Variants in TEX36 observed in about 807,000 individuals in gnomAD.
TEX36 encodes testis-expressed protein 36.
Under a neutral mutation model 13.6 loss-of-function variants are expected in TEX36, and 12 were observed. The ratio of observed to expected loss-of-function variants is 0.88; its 90% CI spans 0.56 to 1.43. The LOEUF (loss-of-function observed/expected upper bound fraction) is 1.43, where lower values mean the gene tolerates loss of function less well. Ranked by LOEUF, TEX36 falls within the 40% of genes most tolerant of loss-of-function variation. TEX36 has a pLI of 0.00. For synonymous variants in TEX36, 93 were observed against 83.0 expected (o/e 1.12, Z -0.65); for missense variants, 224 against 228.3 (o/e 0.98, Z 0.12).
chr10:125,639,711 T>A (rs995902846), intron 3 of TEX36, among the ~76,000 whole-genome samples: 4 of 152,234 alleles, frequency 2.6e-5, no homozygotes, highest in African/African-American at 9.6e-5. Flanking sequence ...ACCCAGACTA[T>A]CCTCGTTGAT....
intron 3 of TEX36, among the ~76,000 whole-genome samples, chr10:125,649,160 C>A (rs1846815923): frequency 6.6e-6 from 1 of 152,160 alleles, no homozygotes; most frequent in Non-Finnish European, 1.5e-5. Flanking sequence ...GAGAACGCCA[C>A]AAAGATACTC....
At chr10:125,652,557 C>T (rs1018274187), downstream of TEX36, among the ~76,000 whole-genome samples, 1 of 152,120 alleles carries the variant, frequency 6.6e-6, no homozygotes, top group South Asian at 2.1e-4. Flanking sequence ...AGGCAATACC[C>T]TTCAGGCCAT....
chr10:125,589,766 A>G (rs1048670752), intron 3 of TEX36, among the ~76,000 whole-genome samples: 11 of 152,210 alleles, frequency 7.2e-5, no homozygotes, highest in African/African-American at 2.7e-4. Context: ...ATGTATAGTC[A>G]TATGAAAAAT....
chr10:125,608,236 A>C (rs2133548867), intron 3 of TEX36, among the ~76,000 whole-genome samples: 1 of 151,372 alleles, frequency 6.6e-6, no homozygotes, highest in Non-Finnish European at 1.5e-5. Context: ...CTTGGGTCTT[A>C]GAGGGGAGTT....
At chr10:125,593,251 G>C (rs1166390138) in intron 3 of TEX36, among the ~76,000 whole-genome samples, 1 of 152,194 alleles carries the variant, frequency 6.6e-6, no homozygotes, top group Non-Finnish European at 1.5e-5. Context: ...AGGATTTTAG[G>C]AGCTGTGTGC....
At chr10:125,577,431 A>G (rs1845837427) in intron 3 of TEX36, among the ~76,000 whole-genome samples, 1 of 152,132 alleles carries the variant, frequency 6.6e-6, no homozygotes, top group South Asian at 2.1e-4. Context: ...CCTGGGAGGC[A>G]GAGGTTGCAT....
At chr10:125,590,404 C>T (rs903066903) in intron 3 of TEX36, among the ~76,000 whole-genome samples, 2 of 152,148 alleles carry the variant, frequency 1.3e-5, no homozygotes, top group Non-Finnish European at 2.9e-5. Context: ...ATGTGAACCA[C>T]CACGCCTGGC....
At chr10:125,597,249 T>C (rs1846091985) in intron 3 of TEX36, among the ~76,000 whole-genome samples, 3 of 152,198 alleles carry the variant, frequency 2.0e-5, no homozygotes, top group Admixed American at 6.5e-5. Flanking sequence ...GTGTCCACCA[T>C]GTGAAGTCCA....
intron 1 of TEX36, among the ~76,000 whole-genome samples, chr10:125,677,165 T>A (rs1337014024): frequency 6.6e-6 from 1 of 152,222 alleles, no homozygotes; most frequent in African/African-American, 2.4e-5. Flanking sequence ...AGTCTGACTA[T>A]AACATTTCAT....
downstream of TEX36, among the ~76,000 whole-genome samples, chr10:125,652,660 T>C (rs904411510): frequency 2.2e-4 from 33 of 152,232 alleles, no homozygotes; most frequent in African/African-American, 7.7e-4. Flanking sequence ...CTAAAGAGCT[T>C]CTGCACAACA....
intron 3 of TEX36, among the ~76,000 whole-genome samples, chr10:125,639,899 G>T (rs1038027486): frequency 6.6e-6 from 1 of 152,218 alleles, no homozygotes; most frequent in Non-Finnish European, 1.5e-5. Context: ...GAGAGGGATT[G>T]GATATGCCAC....
In TEX36 at chr10:125,662,183, C is replaced by A. The variant is rs184784989; in HGVS notation, c.52-206G>T. ...CCAGAGCCATCACTGCCGGTTGTTT[C>A]AAGTTACAGAGGCCACCCCTGCTGA... On this transcript the variant is annotated intron_variant, in intron 1 of 3. Transcript: ENST00000368821. Among the ~76,000 whole-genome samples, 251 of 152,326 alleles carry A rather than the reference C, an allele frequency of 1.6e-3. 2 individuals carry two copies. The highest frequency in any genetic ancestry group is 5.7e-3 in the African/African-American group (238 of 41,582).
rs114300233 is a variant in TEX36 at position 125,678,570 on chromosome 10, C to T, written c.51+4369G>A. On this transcript the variant is annotated intron_variant, in intron 1 of 3. Transcript: ENST00000368821. ...GAGGCAGGTGGGTGGGTTCTCAGGC[C>T]CCTAGGCAGCTGGTGTGGCATGGGT... 3.1e-3 allele frequency among the ~76,000 whole-genome samples: 469 copies of T among 151,968 alleles called. 6 individuals are homozygous for T. Among genetic ancestry groups the T allele is most frequent in the African/African-American group, 0.011 (445 of 41,456 alleles).
At chr10:125,606,433 A>C (rs1291799208) in intron 3 of TEX36, among the ~76,000 whole-genome samples, 1 of 152,238 alleles carries the variant, frequency 6.6e-6, no homozygotes, top group African/African-American at 2.4e-5. Flanking sequence ...ACTCCTAGAA[A>C]GTTGAATTTA....
chr10:125,598,820 G>T (rs1284430916), intron 3 of TEX36, among the ~76,000 whole-genome samples: 2 of 152,104 alleles, frequency 1.3e-5, no homozygotes, highest in Non-Finnish European at 2.9e-5. Flanking sequence ...ACCTTTTCTG[G>T]AAAAGAAATT....
intron 3 of TEX36, among the ~76,000 whole-genome samples, chr10:125,624,616 T>C (rs1184325725): frequency 1.3e-5 from 2 of 151,718 alleles, no homozygotes; most frequent in Non-Finnish European, 2.9e-5. Flanking sequence ...CTCATCTTCA[T>C]TGGAGGTGGG....
chr10:125,633,777 G>A (rs548326615), intron 3 of TEX36, among the ~76,000 whole-genome samples: 2 of 152,294 alleles, frequency 1.3e-5, no homozygotes, highest in Admixed American at 6.5e-5. Context: ...CGACATCAGG[G>A]AATCAGGAAA....
At chr10:125,625,110 C>G (rs1846471724) in intron 3 of TEX36, among the ~76,000 whole-genome samples, 1 of 152,200 alleles carries the variant, frequency 6.6e-6, no homozygotes, top group African/African-American at 2.4e-5. Flanking sequence ...CCCCAGTACT[C>G]CAGGTGGCCC....
chr10:125,601,853 C>T (rs1324794111), intron 3 of TEX36, among the ~76,000 whole-genome samples: 1 of 152,218 alleles, frequency 6.6e-6, no homozygotes, highest in Non-Finnish European at 1.5e-5. Context: ...GAGTGGTAGA[C>T]ACTTGGCAAG....
Sources: gnomAD v4.1 joint callset for allele counts (sites outside exome capture counted in the v4.1 genomes callset) on GRCh38, gnomAD v4.1.1 for gene constraint, MANE v1.5 for transcripts, NCBI Gene and HGNC (gene_info 2026-07-23, HGNC 2026-07-21) for gene names.